The following FGF13 variants were observed in gnomAD, a reference collection of about 807,000 sequenced individuals.
The protein encoded by FGF13 is fibroblast growth factor 13.
FGF13 carries 2 observed loss-of-function variants against 19.5 expected under a neutral mutation model. The observed-to-expected ratio is 0.10, with a 90% CI of 0.04 to 0.32. The LOEUF is 0.32. Ranked by LOEUF, FGF13 falls within the 10% of genes least tolerant of loss-of-function variation. The pLI is 1.00. For missense variants in FGF13, 113 were observed against 192.7 expected (o/e 0.59, Z 2.45); for synonymous variants, 72 against 76.9 (o/e 0.94, Z 0.33).
intron 1 of FGF13, among the ~76,000 whole-genome samples, chrX:138,881,559 T>C (rs1181570546): frequency 9.0e-6 from 1 of 111,723 alleles, no homozygotes; most frequent in Non-Finnish European, 1.9e-5. Flanking sequence ...TATTGGGTAG[T>C]TTCAAATTAC....
chrX:139,084,717 G>A (rs1284003425), intron 1 of FGF13, among the ~76,000 whole-genome samples: 1 of 112,021 alleles, frequency 8.9e-6, no homozygotes, highest in Non-Finnish European at 1.9e-5. Flanking sequence ...TTGCTGATGT[G>A]TATCTTATTT....
upstream of FGF13, chrX:138,711,970 CT>C (rs1484450252): frequency 6.3e-5 from 7 of 111,464 alleles, no homozygotes; most frequent in African/African-American, 2.3e-4. Flanking sequence ...GGTAGTTGGG[CT>C]GACGGAGCGG....
chrX:138,825,390 A>T (rs1374101184), intron 3 of FGF13, among the ~76,000 whole-genome samples: 1 of 112,289 alleles, frequency 8.9e-6, no homozygotes, highest in Non-Finnish European at 1.9e-5. Flanking sequence ...ATGTGTATAA[A>T]GACTTATTAT....
rs1439050742 is a variant in FGF13, at chrX:138,621,148, T to A, written c.*11702A>T. On this transcript the variant is annotated 3_prime_UTR_variant, in exon 5 of 5. Transcript: ENST00000315930. The stretch of plus-strand genomic sequence containing the variant: ...AAATGGACCTAACAGATACAAAACA[T>A]TCCCTCCAAAAGCAATAGAATGTAC... 1 of 111,587 alleles carries A rather than the reference T, an allele frequency of 9.0e-6. No individual in the cohort carries two copies. The highest frequency in any genetic ancestry group is 3.3e-5 in the African/African-American group (1 of 30,717). The allele number at this position is 111,587 out of a possible 1,213,427, so 9.2% of individuals were successfully genotyped here.
chrX:139,016,739 T>C (rs1014164490), intron 1 of FGF13, among the ~76,000 whole-genome samples: 11 of 111,428 alleles, frequency 9.9e-5, no homozygotes, highest in African/African-American at 2.9e-4. Context: ...ATGTCCTATC[T>C]AGGTTGCTCC....
At chrX:138,859,262 C>T (rs2091275868) in intron 2 of FGF13, among the ~76,000 whole-genome samples, 1 of 111,829 alleles carries the variant, frequency 8.9e-6, no homozygotes, top group African/African-American at 3.2e-5. Context: ...AGACACTCAT[C>T]AAATTCCAGC....
intron 3 of FGF13, among the ~76,000 whole-genome samples, chrX:138,822,800 T>C (rs1038420166): frequency 2.7e-5 from 3 of 112,567 alleles, no homozygotes; most frequent in African/African-American, 9.7e-5. Context: ...CCACAGAAGT[T>C]GTCCATTACC....
chrX:139,185,016 G>A (rs2084271740), intron 1 of FGF13, among the ~76,000 whole-genome samples: 1 of 111,408 alleles, frequency 9.0e-6, no homozygotes. Flanking sequence ...ACATACAGAT[G>A]AAACCAGACC....
intron 1 of FGF13, among the ~76,000 whole-genome samples, chrX:139,199,609 C>G (rs2084400049): frequency 9.0e-6 from 1 of 111,336 alleles, no homozygotes; most frequent in African/African-American, 3.3e-5. Context: ...TCCCTGATTC[C>G]AATTCTCTCC....
intron 1 of FGF13, among the ~76,000 whole-genome samples, chrX:139,179,570 C>T (rs1308027012): frequency 9.0e-6 from 1 of 111,483 alleles, no homozygotes; most frequent in African/African-American, 3.3e-5. Context: ...CAACTAAACT[C>T]ATAATCTCAC....
rs772344182 is a variant in FGF13, at chrX:138,768,665, GTA to G, written c.218-59739_218-59738del. On this transcript the variant is annotated intron_variant, in intron 3 of 6. Transcript: ENST00000436198. Reference sequence around the variant, plus strand: ...AGTGCAAAATGTAAAGTCAAAAGTAGTATATATATATATCATACTTATATATA... The same window carrying G: ...AGTGCAAAATGTAAAGTCAAAAGTAGTATATATATATCATACTTATATATA... Among the ~76,000 whole-genome samples the G allele has an allele frequency of 5.0e-3, 504 of 100,522 alleles. 2 individuals are homozygous for G. Among genetic ancestry groups the G allele is most frequent in the African/African-American group, 0.017 (452 of 26,998 alleles). 87.3% of individuals were successfully genotyped at this position (100,522 alleles called of 115,157 possible).
At chrX:138,921,192 A>C (rs916640542) in intron 1 of FGF13, among the ~76,000 whole-genome samples, 1 of 111,770 alleles carries the variant, frequency 8.9e-6, no homozygotes, top group Non-Finnish European at 1.9e-5. Flanking sequence ...TTACATCAAA[A>C]GCAATCTCTA....
chrX:139,061,280 T>C (rs917193337), intron 1 of FGF13, among the ~76,000 whole-genome samples: 2 of 112,067 alleles, frequency 1.8e-5, no homozygotes, highest in African/African-American at 6.5e-5. Flanking sequence ...ATGTTGAGGA[T>C]TGATGCCCAA....
At chrX:138,767,686 A>C (rs893748163) in intron 3 of FGF13, among the ~76,000 whole-genome samples, 4 of 112,138 alleles carry the variant, frequency 3.6e-5, no homozygotes, top group African/African-American at 1.3e-4. Context: ...TTCAAGCTTG[A>C]TATATAACGG....
intron 3 of FGF13, among the ~76,000 whole-genome samples, chrX:138,749,660 T>C (rs1326716281): frequency 9.0e-6 from 1 of 111,660 alleles, no homozygotes; most frequent in Non-Finnish European, 1.9e-5. Context: ...AGTTTAGAAA[T>C]GCAGGCAGAT....
chrX:139,072,276 TACACACACAC>T (rs761988012), intron 1 of FGF13, among the ~76,000 whole-genome samples: 1 of 99,072 alleles, frequency 1.0e-5, no homozygotes, highest in African/African-American at 3.7e-5. Flanking sequence ...TCTCTCTCTC[TACACACACAC>T]ACACACACAC....
intron 3 of FGF13, among the ~76,000 whole-genome samples, chrX:138,763,633 C>T (rs916603626): frequency 1.8e-5 from 2 of 111,901 alleles, no homozygotes; most frequent in African/African-American, 3.2e-5. Context: ...AAATCATGAA[C>T]CTCAACATGA....
At chrX:138,640,367 A>C (rs2089236116) in intron 3 of FGF13, among the ~76,000 whole-genome samples, 1 of 112,196 alleles carries the variant, frequency 8.9e-6, no homozygotes, top group Admixed American at 9.4e-5. Flanking sequence ...TAACCGCAAG[A>C]CCCAAAGGTG....
chrX:138,790,892 A>G (rs556910768), intron 3 of FGF13, among the ~76,000 whole-genome samples: 1 of 112,568 alleles, frequency 8.9e-6, no homozygotes, highest in South Asian at 3.7e-4. Context: ...CCAGCACCTG[A>G]CATAAGGCTG....
Sources: allele counts gnomAD v4.1 joint callset (sites outside exome capture counted in the v4.1 genomes callset), GRCh38; gene constraint gnomAD v4.1.1; transcripts MANE v1.5; gene names NCBI Gene and HGNC (gene_info 2026-07-23, HGNC 2026-07-21).